The following CFAP65 variants were observed in gnomAD, a reference collection of about 807,000 sequenced individuals.
CFAP65 encodes the protein cilia and flagella associated protein 65, also known as cilia- and flagella-associated protein 65.
In CFAP65, 155 loss-of-function variants were observed where a neutral mutation model predicts 208.0. The ratio of observed to expected loss-of-function variants is 0.75; its 90% CI spans 0.65 to 0.85. The LOEUF (loss-of-function observed/expected upper bound fraction) is 0.85, where lower values mean the gene tolerates loss of function less well. CFAP65 is among the 40% of genes least tolerant of loss of function. The pLI is 0.00. For synonymous variants in CFAP65, 970 were observed against 986.3 expected, an observed-to-expected ratio of 0.98 and a Z score of 0.31; for missense variants, 2,294 against 2,451.3, an observed-to-expected ratio of 0.94 and a Z score of 1.36.
chr2:219,017,026 G>A (rs1044810049), intron 21 of CFAP65, among the ~76,000 whole-genome samples: 2 of 152,198 alleles, frequency 1.3e-5, no homozygotes, highest in South Asian at 2.1e-4. Flanking sequence ...CTTTCTCCAG[G>A]AAGCCCTTCT....
chr2:219,007,401 A>G (rs569069780), intron 29 of CFAP65, among the ~76,000 whole-genome samples: 4 of 152,114 alleles, frequency 2.6e-5, no homozygotes. Context: ...GCTGGTTTTG[A>G]TCTCCTAGGC....
chr2:219,010,158 C>G, intron 26 of CFAP65, 73 bp from the exon 27 acceptor site: 1 of 1,431,914 alleles, frequency 7.0e-7, no homozygotes, highest in Non-Finnish European at 9.4e-7. Context: ...AATCCCAGCA[C>G]TTTGGGAGGC....
chr2:219,031,324 T>A lies in CFAP65; in HGVS notation c.816-19A>T, dbSNP rs1948013283. 6.2e-7 allele frequency: 1 copy of A among 1,611,926 alleles called. No individual in the cohort carries two copies. Among genetic ancestry groups the A allele is most frequent in the South Asian group, 1.1e-5 (1 of 90,974 alleles). On this transcript the variant is annotated intron_variant, in intron 7 of 34. Transcript: ENST00000341552. This position sits in a 1 kb window ranked among gnomAD's most constrained non-coding sequence, Gnocchi z 5.2. ...CAGGTCCCTGGGGGTGGGGGGCAGGTCAGGGCACTGGGCTCCCGGCCCCTG... is the reference window on the plus strand; with the variant it reads ...CAGGTCCCTGGGGGTGGGGGGCAGGACAGGGCACTGGGCTCCCGGCCCCTG...
At position 219,003,233 on chromosome 2, in the gene CFAP65, C is replaced by G; in HGVS notation, c.5595G>C (p.Glu1865Asp). Reference protein sequence around the residue: ...AFANLQEALLENMIQNILVEA... With the variant: ...AFANLQEALLDNMIQNILVEA... ...CCACCAGGATGTTCTGGATCATGTT[C>G]TCCAGCAGCGCCTCCTGCAGGTTGG... is the stretch of plus-strand genomic sequence containing the variant. Residue 1865 changes from glutamate to aspartate, a missense_variant, in exon 34 of 35, where the codon GAG (glutamate) becomes GAC (aspartate). Coordinates refer to ENST00000341552, the MANE Select transcript of CFAP65 (RefSeq NM_194302.4). The surrounding 1 kb of genome is among the most constrained non-coding windows in gnomAD (Gnocchi z 4.4). 1 of 1,547,584 alleles carries G rather than the reference C, an allele frequency of 6.5e-7. No individual in the cohort carries two copies. Among genetic ancestry groups the G allele is most frequent in the Non-Finnish European group, 8.7e-7 (1 of 1,145,128 alleles).
chr2:219,022,417 T>C, intron 16 of CFAP65, 88 bp from the exon 17 acceptor site: 1 of 1,451,684 alleles, frequency 6.9e-7, no homozygotes, highest in Non-Finnish European at 9.5e-7. Context: ...CAGGGCGTCA[T>C]GCTACGTTAG....
intron 27 of CFAP65, 101 bp from the exon 28 acceptor site, chr2:219,009,561 T>C: frequency 1.3e-6 from 1 of 778,320 alleles, no homozygotes; most frequent in Non-Finnish European, 2.3e-6. Context: ...TAAGATGAGA[T>C]GAGACAAGAT....
chr2:219,028,605 G>A (rs1276073382), intron 11 of CFAP65, among the ~76,000 whole-genome samples: 1 of 152,050 alleles, frequency 6.6e-6, no homozygotes, highest in Non-Finnish European at 1.5e-5. Flanking sequence ...TCAGGAGAGA[G>A]CACCCCGGTC....
At chr2:219,035,442 G>T in intron 5 of CFAP65, 38 bp downstream of exon 5, 2 of 1,614,066 alleles carry the variant, frequency 1.2e-6, no homozygotes, top group Non-Finnish European at 8.5e-7. Flanking sequence ...CGGGGCTCAA[G>T]GCTGTGGCAC....
At position 219,024,534 on chromosome 2, in the gene CFAP65, G is replaced by A. The variant is rs1018490759; in HGVS notation, c.2350-274C>T. Among the ~76,000 whole-genome samples the A allele has an allele frequency of 2.3e-4, 35 of 151,784 alleles. No homozygotes were observed. In the East Asian group the frequency reaches 5.2e-3, roughly 23 times the overall value. ...CTGGGAAACTCAGGCCTCCAAGGCC[G>A]TTCCTCAAGGATAAAGTAGAAGTTG... On this transcript the variant is annotated intron_variant, in intron 14 of 34. Transcript: ENST00000341552.
rs750477488 is a variant in CFAP65, at chr2:219,031,269, G to A, written c.852C>T (p.Ser284=). 2 of 1,613,952 alleles carry A rather than the reference G, an allele frequency of 1.2e-6. No homozygotes were observed. The highest frequency in any genetic ancestry group is 1.7e-6 in the Non-Finnish European group (2 of 1,179,936). The change falls in exon 8 of 35, where the codon AGC becomes AGT. Residue 284 remains serine (S), a synonymous_variant. Coordinates refer to ENST00000341552, the MANE Select transcript of CFAP65 (RefSeq NM_194302.4). The surrounding 1 kb of genome is among the most constrained non-coding windows in gnomAD (Gnocchi z 5.2). ...CCGTGGCGGGCAGCATCTGGAATGGGCTGGAGAACTCCCAGGTGAAGAAGG... is the reference window on the plus strand; with the variant it reads ...CCGTGGCGGGCAGCATCTGGAATGGACTGGAGAACTCCCAGGTGAAGAAGG... ...LPTFFTWEFS[S]PFQMLPATGL...
chr2:219,030,618 C>T, intron 9 of CFAP65, 71 bp downstream of exon 9: 1 of 1,567,014 alleles, frequency 6.4e-7, no homozygotes, highest in African/African-American at 1.4e-5. Context: ...GGGCATTCTG[C>T]AAGGCGGTGA....
At position 219,031,041 on chromosome 2, in the gene CFAP65, A is replaced by T. The variant is rs1947986625; in HGVS notation, c.1015+65T>A. On this transcript the variant is annotated intron_variant, in intron 8 of 34. Coordinates refer to ENST00000341552, the MANE Select transcript of CFAP65 (RefSeq NM_194302.4). This position sits in a 1 kb window ranked among gnomAD's most constrained non-coding sequence, Gnocchi z 5.2. ...GCCAGATGGGAGGTGGGGGACACTG[A>T]GGCCTGGAGGACCCAGAAGGTGCAG... The T allele has an allele frequency of 2.6e-6, 4 of 1,511,726 alleles. No individual in the cohort carries two copies. The African/African-American group carries it at 4.1e-5, about 16-fold the overall frequency. The allele number at this position is 1,511,726 out of a possible 1,614,324, so 93.6% of individuals were successfully genotyped here.
intron 29 of CFAP65, among the ~76,000 whole-genome samples, chr2:219,006,821 G>A (rs1169860582): frequency 2.8e-5 from 4 of 144,082 alleles, no homozygotes; most frequent in African/African-American, 5.3e-5. Context: ...GTGACACAGC[G>A]AGACTCTGTC....
rs202001190 is a variant in CFAP65, at chr2:219,030,138, G to A, written c.1232C>T (p.Thr411Met). Residue 411 changes from threonine to methionine, a missense_variant, in exon 10 of 35, where the codon ACG becomes ATG. Coordinates refer to ENST00000341552, the MANE Select transcript of CFAP65 (RefSeq NM_194302.4). ...LAEDQAFSCP[T>M]AHGIVLPGEK... ...TCCCGGAAGCACGATGCCATGGGCCGTGGGGCATGAGAAGGCCTGGTCTTC... is the reference window on the plus strand; with the variant it reads ...TCCCGGAAGCACGATGCCATGGGCCATGGGGCATGAGAAGGCCTGGTCTTC... 5.5e-5 allele frequency: 88 copies of A among 1,614,132 alleles called. No individual in the cohort carries two copies. Among genetic ancestry groups the A allele is most frequent in the African/African-American group, 1.1e-4 (8 of 75,018 alleles).
Position 219,029,444 on chromosome 2 carries a change from T to G in CFAP65, c.1609A>C (p.Ile537Leu), listed in dbSNP as rs188014554. The part of the protein sequence containing the change: ...LHCAFQPTHP[I>L]ICFRRVACLI... ...CAGGCCACACGCCGAAAGCAGATGATGGGGTGAGTGGGCTGGAAGGCACAG... is the reference window on the plus strand; with the variant it reads ...CAGGCCACACGCCGAAAGCAGATGAGGGGGTGAGTGGGCTGGAAGGCACAG... The change falls in exon 11 of 35, where the codon ATC becomes CTC. Residue 537 changes from isoleucine to leucine, a missense_variant. This residue lies in a region of CFAP65 where 867 missense variants were observed against 1,012.6 expected (regional missense o/e 0.86). Coordinates refer to ENST00000341552, the MANE Select transcript of CFAP65 (RefSeq NM_194302.4). The G allele has an allele frequency of 6.2e-7, 1 of 1,613,944 alleles. No homozygotes were observed. The highest frequency in any genetic ancestry group is 1.3e-5 in the African/African-American group (1 of 74,990).
intron 5 of CFAP65, among the ~76,000 whole-genome samples, chr2:219,033,256 G>C (rs1339694315): frequency 1.3e-5 from 2 of 152,160 alleles, no homozygotes; most frequent in Non-Finnish European, 2.9e-5. Context: ...AGTATCATTT[G>C]ACCCAGGTGT....
chr2:219,011,270 CTTTTTTTTTT>C (rs528817484), intron 24 of CFAP65, among the ~76,000 whole-genome samples: 3 of 107,110 alleles, frequency 2.8e-5, no homozygotes, highest in Admixed American at 9.6e-5. Flanking sequence ...CTTTTTCTTT[CTTTTTTTTTT>C]TTTTTTTTTT....
intron 24 of CFAP65, among the ~76,000 whole-genome samples, chr2:219,011,812 A>C (rs1472030799): frequency 6.6e-6 from 1 of 152,156 alleles, no homozygotes; most frequent in African/African-American, 2.4e-5. Context: ...TGCTGACTCT[A>C]TTTCTCTAGC....
At chr2:219,019,763 C>T in intron 19 of CFAP65, 44 bp from the exon 20 acceptor site, 1 of 1,563,964 alleles carries the variant, frequency 6.4e-7, no homozygotes, top group Non-Finnish European at 8.8e-7. Context: ...TTGCCTCCCA[C>T]CTTCCCTGGA....
Sources: gnomAD v4.1 joint callset for allele counts (sites outside exome capture counted in the v4.1 genomes callset) on GRCh38, gnomAD v4.1.1 for gene constraint, gnomAD v4.1.1 regional missense constraint, Gnocchi (gnomAD v3.1) non-coding constraint, MANE v1.5 for transcripts, NCBI Gene and HGNC (gene_info 2026-07-23, HGNC 2026-07-21) for gene names.